Variants in STUM observed in about 807,000 individuals in gnomAD.
The protein encoded by STUM is stum, mechanosensory transduction mediator homolog.
In STUM, 8 loss-of-function variants were observed where a neutral mutation model predicts 15.3. The observed-to-expected ratio is 0.52, with a 90% CI of 0.31 to 0.94. The LOEUF is 0.94. STUM is among the 40% of genes least tolerant of loss of function. STUM has a pLI of 0.05. For synonymous variants in STUM, 78 were observed against 88.7 expected, an observed-to-expected ratio of 0.88 and a Z score of 0.68; for missense variants, 142 against 204.9, an observed-to-expected ratio of 0.69 and a Z score of 1.87.
At chr1:226,588,598 C>T (rs1668035867) in intron 1 of STUM, among the ~76,000 whole-genome samples, 1 of 152,200 alleles carries the variant, frequency 6.6e-6, no homozygotes, top group Admixed American at 6.5e-5. Context: ...TGGGACTTGT[C>T]CAGAAGTATT....
intron 2 of STUM, chr1:226,597,348 A>C (rs1668199135): frequency 2.1e-6 from 1 of 483,014 alleles, no homozygotes; most frequent in African/African-American, 2.0e-5. Flanking sequence ...AACAGACACC[A>C]CCCATTTTAA....
intron 1 of STUM, among the ~76,000 whole-genome samples, chr1:226,596,277 C>G (rs553469364): frequency 2.1e-4 from 28 of 132,226 alleles, no homozygotes; most frequent in African/African-American, 7.6e-4. Context: ...TACTACTACA[C>G]TGTAGGCTCT....
At chr1:226,592,960 C>T (rs749913121) in intron 1 of STUM, among the ~76,000 whole-genome samples, 1 of 152,138 alleles carries the variant, frequency 6.6e-6, no homozygotes, top group East Asian at 1.9e-4. Context: ...CCAAGGTGAG[C>T]GGACCACTTG....
intron 1 of STUM, among the ~76,000 whole-genome samples, chr1:226,588,072 G>T (rs752781027): frequency 3.0e-4 from 45 of 152,188 alleles, no homozygotes; most frequent in Non-Finnish European, 4.1e-4. Context: ...AAAGTGTGTG[G>T]ATGTTCAGGA....
chr1:226,554,727 G>T (rs539218793), intron 1 of STUM, among the ~76,000 whole-genome samples: 1 of 152,288 alleles, frequency 6.6e-6, no homozygotes, highest in South Asian at 2.1e-4. Flanking sequence ...CTCATTCCCA[G>T]CAGCACACAT....
intron 1 of STUM, among the ~76,000 whole-genome samples, chr1:226,556,909 A>G (rs900931622): frequency 6.6e-6 from 1 of 152,232 alleles, no homozygotes; most frequent in Non-Finnish European, 1.5e-5. Flanking sequence ...TAATTTATGA[A>G]TACAATGTGG....
At chr1:226,550,752 G>A (rs1414894343) in intron 1 of STUM, among the ~76,000 whole-genome samples, 2 of 152,130 alleles carry the variant, frequency 1.3e-5, no homozygotes, top group Non-Finnish European at 2.9e-5. Context: ...AGCTGCCCAC[G>A]CATGTACCTG....
At chr1:226,589,678 A>G (rs1210517789) in intron 1 of STUM, among the ~76,000 whole-genome samples, 1 of 152,060 alleles carries the variant, frequency 6.6e-6, no homozygotes, top group Non-Finnish European at 1.5e-5. Context: ...ACAGTTCATT[A>G]CCATCATTTT....
At chr1:226,553,641 G>A (rs1451307406) in intron 1 of STUM, among the ~76,000 whole-genome samples, 1 of 152,234 alleles carries the variant, frequency 6.6e-6, no homozygotes. Flanking sequence ...TAAATATGAA[G>A]CAGTCCAAAA....
chr1:226,582,536 A>G (rs890595545), intron 1 of STUM, among the ~76,000 whole-genome samples: 3 of 151,828 alleles, frequency 2.0e-5, no homozygotes, highest in Admixed American at 6.6e-5. Context: ...TGGAGGTTGC[A>G]GTGAGCCGAG....
At chr1:226,558,966 G>C (rs1002645686) in intron 1 of STUM, among the ~76,000 whole-genome samples, 2 of 152,174 alleles carry the variant, frequency 1.3e-5, no homozygotes, top group African/African-American at 4.8e-5. Flanking sequence ...TACTAGAAAT[G>C]ACATTCCTAG....
chr1:226,602,376 C>T lies in STUM; in HGVS notation c.*336C>T. ...ACCCACTGCCCACCGCAAAGGCACGCCACGTCTGCTGGGCCGGGCCACACC... is the reference window on the plus strand; with the variant it reads ...ACCCACTGCCCACCGCAAAGGCACGTCACGTCTGCTGGGCCGGGCCACACC... On this transcript the variant is annotated 3_prime_UTR_variant, in exon 4 of 4. Transcript: ENST00000366788. 1 of 333,632 alleles carries T rather than the reference C, an allele frequency of 3.0e-6. No individual in the cohort carries two copies. The allele number at this position is 333,632 out of a possible 1,614,324, so 20.7% of individuals were successfully genotyped here.
At chr1:226,555,881 A>G (rs1001984695) in intron 1 of STUM, among the ~76,000 whole-genome samples, 1 of 152,258 alleles carries the variant, frequency 6.6e-6, no homozygotes, top group Non-Finnish European at 1.5e-5. Context: ...TTTTTCTAGT[A>G]CATACCTATA....
chr1:226,596,695 T>C, intron 1 of STUM, 107 bp from the exon 2 acceptor site: 1 of 1,019,906 alleles, frequency 9.8e-7, no homozygotes, highest in East Asian at 2.4e-5. Flanking sequence ...GTGGTTCTTC[T>C]CTGAGTTCTT....
chr1:226,601,429 C>G (rs1668260670), intron 3 of STUM, among the ~76,000 whole-genome samples: 1 of 152,182 alleles, frequency 6.6e-6, no homozygotes, highest in African/African-American at 2.4e-5. Context: ...CCTTTCACAC[C>G]TAAATAAAGC....
chr1:226,592,274 C>T (rs1295142067), intron 1 of STUM, among the ~76,000 whole-genome samples: 1 of 152,230 alleles, frequency 6.6e-6, no homozygotes, highest in African/African-American at 2.4e-5. Context: ...TCTTGAGCTC[C>T]TGACCTCAGG....
chr1:226,588,089 G>A (rs1668024503), intron 1 of STUM, among the ~76,000 whole-genome samples: 3 of 152,170 alleles, frequency 2.0e-5, no homozygotes, highest in Admixed American at 2.0e-4. Flanking sequence ...AGGATGATGA[G>A]GATGCTAGAA....
chr1:226,601,188 G>A (rs1216391912), intron 3 of STUM, among the ~76,000 whole-genome samples: 8 of 151,888 alleles, frequency 5.3e-5, no homozygotes, highest in Non-Finnish European at 5.9e-5. Context: ...GTGCAGTGGC[G>A]CAATCTCGGC....
intron 1 of STUM, among the ~76,000 whole-genome samples, chr1:226,559,788 A>G (rs1197114898): frequency 6.6e-6 from 1 of 152,224 alleles, no homozygotes; most frequent in East Asian, 1.9e-4. Context: ...CCTGGCTAAC[A>G]TCGTGAAACC....
Sources: gnomAD v4.1 joint callset for allele counts (sites outside exome capture counted in the v4.1 genomes callset) on GRCh38, gnomAD v4.1.1 for gene constraint, MANE v1.5 for transcripts, NCBI Gene and HGNC (gene_info 2026-07-23, HGNC 2026-07-21) for gene names.